PCM1: variants seen among roughly 807,000 people sequenced by gnomAD.
PCM1 encodes the protein pericentriolar material 1 protein.
A neutral mutation model predicts 241.9 loss-of-function variants in PCM1; 157 were observed. The observed-to-expected ratio is 0.65, with a 90% CI of 0.57 to 0.74. The LOEUF is 0.74. Ranked by LOEUF, PCM1 falls within the 30% of genes least tolerant of loss-of-function variation. The probability of loss-of-function intolerance (pLI) is 0.00; values close to 1 mark genes in which losing one functional copy is unlikely to be tolerated. For synonymous variants in PCM1, 1,085 were observed against 784.9 expected (o/e 1.38, Z -6.39); for missense variants, 3,478 against 2,360.1 (o/e 1.47, Z -9.81).
chr8:17,951,509 C>G (rs1381521215), intron 8 of PCM1, among the ~76,000 whole-genome samples: 1 of 151,986 alleles, frequency 6.6e-6, no homozygotes, highest in East Asian at 1.9e-4. Flanking sequence ...CAGAAACAGC[C>G]CAAATGTCCA....
intron 35 of PCM1, among the ~76,000 whole-genome samples, chr8:18,014,281 C>T (rs1012627481): frequency 1.3e-5 from 2 of 151,912 alleles, no homozygotes; most frequent in Non-Finnish European, 1.5e-5. Flanking sequence ...TCAAGAGCAT[C>T]GCATCTTTAG....
intron 30 of PCM1, among the ~76,000 whole-genome samples, chr8:18,009,165 G>A (rs1484369730): frequency 6.6e-6 from 1 of 152,156 alleles, no homozygotes; most frequent in Non-Finnish European, 1.5e-5. Context: ...TATTCTAATG[G>A]TACATTTAGA....
intron 29 of PCM1, among the ~76,000 whole-genome samples, chr8:17,996,778 CA>C (rs1190598826): frequency 1.1e-4 from 16 of 152,130 alleles, no homozygotes; most frequent in African/African-American, 3.6e-4. Flanking sequence ...CATAAACAAA[CA>C]AGCAAACAAA....
At chr8:17,977,074 C>A (rs1381843144) in intron 23 of PCM1, among the ~76,000 whole-genome samples, 1 of 152,040 alleles carries the variant, frequency 6.6e-6, no homozygotes, top group Non-Finnish European at 1.5e-5. Flanking sequence ...ACAGTAACAG[C>A]ATTTAAATGT....
At chr8:18,013,691 C>T in intron 34 of PCM1, 2 of 300,664 alleles carry the variant, frequency 6.7e-6, no homozygotes, top group Non-Finnish European at 1.2e-5. Flanking sequence ...CATTAAGTGT[C>T]TTTTAGAGTC....
chr8:17,980,111 T>G (rs2129475067), intron 23 of PCM1: 1 of 151,426 alleles, frequency 6.6e-6, no homozygotes, highest in African/African-American at 2.4e-5. Flanking sequence ...TTTTAAAAAC[T>G]TGAAAATTTT....
At chr8:17,965,629 T>C (rs962920212) in intron 18 of PCM1, among the ~76,000 whole-genome samples, 1 of 152,218 alleles carries the variant, frequency 6.6e-6, no homozygotes, top group Non-Finnish European at 1.5e-5. Context: ...GAAAATTTCT[T>C]CATGAATAAC....
chr8:17,984,459 A>C (rs866131016), intron 24 of PCM1, among the ~76,000 whole-genome samples: 4 of 152,034 alleles, frequency 2.6e-5, no homozygotes, highest in African/African-American at 2.4e-5. Context: ...ACTGAGGCAA[A>C]ATAGGGAAGT....
intron 2 of PCM1, among the ~76,000 whole-genome samples, 183 bp from the exon 3 acceptor site, chr8:17,935,406 C>T (rs1163432808): frequency 5.3e-5 from 8 of 152,176 alleles, no homozygotes; most frequent in Admixed American, 3.3e-4. Flanking sequence ...CTACCTAGCT[C>T]ATTTTAATCA....
At chr8:18,018,595 G>T (rs1208683300) in intron 36 of PCM1, among the ~76,000 whole-genome samples, 2 of 151,822 alleles carry the variant, frequency 1.3e-5, no homozygotes, top group Non-Finnish European at 2.9e-5. Context: ...GGCGGATCAG[G>T]AGGTCAAGAG....
intron 2 of PCM1, among the ~76,000 whole-genome samples, chr8:17,933,294 A>G (rs1181969190): frequency 1.3e-5 from 2 of 152,344 alleles, no homozygotes; most frequent in South Asian, 2.1e-4. Flanking sequence ...TGATTTAACC[A>G]TATAGACAGC....
At position 17,962,140 on chromosome 8, in the gene PCM1, T is replaced by A; in HGVS notation, c.2429T>A (p.Phe810Tyr). ...QHETSTSKSVFEPEDSSIVDN... is the reference protein window; with the variant it reads ...QHETSTSKSVYEPEDSSIVDN... ...GAGACCAGTACAAGCAAATCTGTTT[T>A]TGAGCCTGAAGATTCTTCAATAGTA... Residue 810 changes from phenylalanine (F) to tyrosine (Y), a missense_variant, in exon 16 of 39, where the codon TTT (phenylalanine) becomes TAT (tyrosine). Phe to Tyr is a conservative substitution (Grantham distance 22). Transcript: ENST00000325083. The A allele has an allele frequency of 6.2e-7, 1 of 1,609,356 alleles. No homozygotes were observed. Among genetic ancestry groups the A allele is most frequent in the Non-Finnish European group, 8.5e-7 (1 of 1,177,182 alleles).
chr8:17,949,695 C>A (rs1439952148), intron 7 of PCM1, among the ~76,000 whole-genome samples: 1 of 152,126 alleles, frequency 6.6e-6, no homozygotes, highest in Non-Finnish European at 1.5e-5. Context: ...TGGGGTCTCA[C>A]TGTGGTGCCC....
chr8:18,018,567 CT>C (rs1645634912), intron 36 of PCM1, among the ~76,000 whole-genome samples: 1 of 152,004 alleles, frequency 6.6e-6, no homozygotes, highest in Non-Finnish European at 1.5e-5. Flanking sequence ...AATCCCAGCA[CT>C]TTGGGAGGCC....
At chr8:17,963,898 G>C (rs1412543827) in intron 17 of PCM1, among the ~76,000 whole-genome samples, 1 of 152,132 alleles carries the variant, frequency 6.6e-6, no homozygotes, top group Non-Finnish European at 1.5e-5. Context: ...TTTGCACCAA[G>C]CCCTACTCTC....
At chr8:17,960,565 C>A (rs1405865547) in intron 15 of PCM1, 121 bp downstream of exon 15, 5 of 602,950 alleles carry the variant, frequency 8.3e-6, no homozygotes, top group Non-Finnish European at 1.0e-5. Flanking sequence ...CACTCTGTTG[C>A]CCAGGCTGAA....
At chr8:17,925,687 A>G (rs1484208588) in intron 2 of PCM1, 1 of 152,264 alleles carries the variant, frequency 6.6e-6, no homozygotes, top group Non-Finnish European at 1.5e-5. Flanking sequence ...TACAAAAAAG[A>G]TTAGCCAGGC....
intron 38 of PCM1, 47 bp from the exon 39 acceptor site, chr8:18,027,590 A>C: frequency 2.2e-6 from 3 of 1,359,400 alleles, no homozygotes; most frequent in Non-Finnish European, 3.1e-6. Flanking sequence ...GTTAAATTCT[A>C]GTAATTCGAT....
At chr8:17,966,919 A>G (rs2075095728) in intron 20 of PCM1, 61 bp from the exon 21 acceptor site, 1 of 1,414,872 alleles carries the variant, frequency 7.1e-7, no homozygotes, top group Non-Finnish European at 9.6e-7. Flanking sequence ...TTCTTCCTGA[A>G]TGTACTTTAT....
Sources: allele counts gnomAD v4.1 joint callset (sites outside exome capture counted in the v4.1 genomes callset), GRCh38; gene constraint gnomAD v4.1.1; transcripts MANE v1.5; gene names NCBI Gene and HGNC (gene_info 2026-07-23, HGNC 2026-07-21).